ZBTB20: variants seen among roughly 807,000 people sequenced by gnomAD.
ZBTB20 encodes the protein zinc finger and BTB domain-containing protein 20.
Under a neutral mutation model 56.9 loss-of-function variants are expected in ZBTB20, and 9 were observed. That is an observed-to-expected ratio of 0.16 (90% CI 0.10 to 0.28). The LOEUF (loss-of-function observed/expected upper bound fraction) is 0.28, where lower values mean the gene tolerates loss of function less well. Among genes scored for constraint, ZBTB20 ranks in the 10% least tolerant of loss-of-function variants. The pLI is 1.00. For synonymous variants in ZBTB20, 417 were observed against 420.7 expected (o/e 0.99, Z 0.11); for missense variants, 655 against 1,003.0 (o/e 0.65, Z 4.69).
At chr3:115,133,818 T>C (rs2084578565) in intron 1 of ZBTB20, among the ~76,000 whole-genome samples, 1 of 152,244 alleles carries the variant, frequency 6.6e-6, no homozygotes, top group Non-Finnish European at 1.5e-5. Flanking sequence ...TTGGCTACTA[T>C]GAATAATGCT....
chr3:115,093,376 T>C (rs1448345129), intron 1 of ZBTB20, among the ~76,000 whole-genome samples: 1 of 152,190 alleles, frequency 6.6e-6, no homozygotes, highest in Non-Finnish European at 1.5e-5. Context: ...TATTTTTATA[T>C]TAAGGAATTA....
chr3:114,394,156 T>C (rs999591722), intron 7 of ZBTB20, among the ~76,000 whole-genome samples: 2 of 152,222 alleles, frequency 1.3e-5, no homozygotes, highest in Non-Finnish European at 2.9e-5. Context: ...GGCATTTTTA[T>C]AAATGAGTAT....
At chr3:115,027,054 G>C (rs1175707150) in intron 2 of ZBTB20, among the ~76,000 whole-genome samples, 1 of 150,810 alleles carries the variant, frequency 6.6e-6, no homozygotes, top group Non-Finnish European at 1.5e-5. Flanking sequence ...CCTATAGTAA[G>C]AATGAAATAT....
chr3:115,089,893 T>G (rs568806809), intron 1 of ZBTB20, among the ~76,000 whole-genome samples: 1 of 151,954 alleles, frequency 6.6e-6, no homozygotes, highest in African/African-American at 2.4e-5. Flanking sequence ...CAGTATCAAC[T>G]CTGGCCTCCT....
intron 5 of ZBTB20, among the ~76,000 whole-genome samples, chr3:114,779,508 G>T (rs1483546539): frequency 6.6e-6 from 1 of 152,126 alleles, no homozygotes; most frequent in Admixed American, 6.5e-5. Flanking sequence ...AGTGCAGATT[G>T]GTTCATTTGG....
intron 4 of ZBTB20, among the ~76,000 whole-genome samples, chr3:114,871,158 T>C (rs946938796): frequency 6.6e-6 from 1 of 152,126 alleles, no homozygotes; most frequent in African/African-American, 2.4e-5. Flanking sequence ...CTCAAAGCTT[T>C]GTAAACCACT....
At position 114,647,311 on chromosome 3, in the gene ZBTB20, G is replaced by A. The variant is rs562378960; in HGVS notation, c.-295+46217C>T. 6.6e-5 allele frequency among the ~76,000 whole-genome samples: 10 copies of A among 152,274 alleles called. No individual in the cohort carries two copies. In the South Asian group the frequency reaches 1.5e-3, roughly 22 times the overall value. ...AGAACTTTCACATTGTTCCTCTTGG[G>A]AATAAAGGTAAAATTATCATAGAGA... On this transcript the variant is annotated intron_variant, in intron 6 of 11. Coordinates refer to ENST00000675478, the MANE Select transcript of ZBTB20 (RefSeq NM_001348800.3).
chr3:114,894,310 T>C (rs1443892929), intron 4 of ZBTB20, among the ~76,000 whole-genome samples: 1 of 152,214 alleles, frequency 6.6e-6, no homozygotes, highest in African/African-American at 2.4e-5. Flanking sequence ...GGATATTACA[T>C]ATCTATATAT....
chr3:114,856,685 AG>A (rs1195553840), intron 4 of ZBTB20, among the ~76,000 whole-genome samples: 2 of 152,326 alleles, frequency 1.3e-5, no homozygotes, highest in East Asian at 3.9e-4. Flanking sequence ...ATTTTATCAC[AG>A]GAATGTAATT....
intron 7 of ZBTB20, among the ~76,000 whole-genome samples, chr3:114,462,683 G>A (rs1253683478): frequency 6.6e-6 from 1 of 152,134 alleles, no homozygotes; most frequent in African/African-American, 2.4e-5. Context: ...TCTTTTTAGA[G>A]GTTCAAGTCC....
chr3:114,614,309 A>G (rs1217825577), intron 6 of ZBTB20, among the ~76,000 whole-genome samples: 1 of 150,984 alleles, frequency 6.6e-6, no homozygotes, highest in Non-Finnish European at 1.5e-5. Context: ...CATATATCAG[A>G]GATTTGGCTC....
At chr3:114,444,541 C>A (rs538430243) in intron 7 of ZBTB20, among the ~76,000 whole-genome samples, 1 of 152,090 alleles carries the variant, frequency 6.6e-6, no homozygotes, top group Non-Finnish European at 1.5e-5. Flanking sequence ...TAGTGGTCAG[C>A]CTTTTGGCAT....
intron 5 of ZBTB20, among the ~76,000 whole-genome samples, chr3:114,754,745 T>C (rs1337656686): frequency 3.3e-5 from 5 of 152,182 alleles, no homozygotes; most frequent in Admixed American, 2.6e-4. Flanking sequence ...AATTAAATAA[T>C]ATTTTTAAAA....
chr3:114,827,310 G>A (rs1280283315), intron 4 of ZBTB20, among the ~76,000 whole-genome samples: 2 of 151,684 alleles, frequency 1.3e-5, no homozygotes, highest in Admixed American at 6.6e-5. Context: ...AATATTGCAA[G>A]TATTAATACA....
At chr3:114,806,711 A>G (rs1011739019) in intron 4 of ZBTB20, among the ~76,000 whole-genome samples, 6 of 151,992 alleles carry the variant, frequency 3.9e-5, no homozygotes, top group African/African-American at 1.4e-4. Flanking sequence ...TCTTCTAGAA[A>G]TTTTATAATT....
chr3:114,345,906 G>A (rs73238057), intron 11 of ZBTB20, among the ~76,000 whole-genome samples: 1,665 of 152,200 alleles, frequency 0.011, 16 homozygotes, highest in Non-Finnish European at 0.019. Context: ...GATGAAGGGG[G>A]TAGAGGGGAG....
chr3:115,006,744 G>C (rs2079489705), intron 2 of ZBTB20, among the ~76,000 whole-genome samples: 1 of 151,568 alleles, frequency 6.6e-6, no homozygotes, highest in Admixed American at 6.6e-5. Context: ...GACATACCAG[G>C]CTGGAGGAAC....
chr3:114,976,838 C>T (rs547333518), intron 2 of ZBTB20, among the ~76,000 whole-genome samples: 2 of 151,970 alleles, frequency 1.3e-5, no homozygotes, highest in South Asian at 4.2e-4. Flanking sequence ...TAAATAGTGC[C>T]TAGCAAGAGC....
At chr3:114,496,079 T>G (rs1256200891) in intron 7 of ZBTB20, among the ~76,000 whole-genome samples, 2 of 151,684 alleles carry the variant, frequency 1.3e-5, no homozygotes, top group African/African-American at 4.8e-5. Context: ...ACAAAAAGAG[T>G]GGTTTCCACA....
Sources: allele counts gnomAD v4.1 joint callset (sites outside exome capture counted in the v4.1 genomes callset), GRCh38; gene constraint gnomAD v4.1.1; transcripts MANE v1.5; gene names NCBI Gene and HGNC (gene_info 2026-07-23, HGNC 2026-07-21).